Variants in CACNG3 observed in about 807,000 individuals in gnomAD.
CACNG3 encodes the protein voltage-dependent calcium channel gamma-3 subunit.
A neutral mutation model predicts 28.5 loss-of-function variants in CACNG3; 3 were observed. The observed-to-expected ratio is 0.11, with a 90% CI of 0.05 to 0.27. CACNG3 has a LOEUF of 0.27. Ranked by LOEUF, CACNG3 falls within the 10% of genes least tolerant of loss-of-function variation. The pLI is 1.00. For missense variants in CACNG3, 236 were observed against 414.4 expected (o/e 0.57, Z 3.74); for synonymous variants, 174 against 162.2 (o/e 1.07, Z -0.55).
At chr16:24,344,066 C>T (rs567982302) in intron 1 of CACNG3, among the ~76,000 whole-genome samples, 1 of 151,952 alleles carries the variant, frequency 6.6e-6, no homozygotes, top group South Asian at 2.1e-4. Flanking sequence ...GGCGAGATTC[C>T]GTCTCAAAAA....
chr16:24,258,814 T>G (rs1898502031), intron 1 of CACNG3, among the ~76,000 whole-genome samples: 1 of 152,210 alleles, frequency 6.6e-6, no homozygotes, highest in African/African-American at 2.4e-5. Flanking sequence ...CATTTCCAAT[T>G]CTTCTGCCTC....
In CACNG3 at chr16:24,361,443, T is replaced by C; in HGVS notation, c.528T>C (p.Gly176=). 1 of 1,614,194 alleles carries C rather than the reference T, an allele frequency of 6.2e-7. No individual in the cohort carries two copies. Among genetic ancestry groups the C allele is most frequent in the Non-Finnish European group, 8.5e-7 (1 of 1,180,028 alleles). The change falls in exon 4 of 4, where the codon GGT becomes GGC. Residue 176 remains glycine (G), a synonymous_variant. Transcript: ENST00000005284. The surrounding 1 kb of genome is among the most constrained non-coding windows in gnomAD (Gnocchi z 6.8). The part of the protein sequence containing the change: ...QRDSKKSYSY[G]WSFYFGAFSF... ...ACTCCAAAAAAAGTTACTCCTATGG[T>C]TGGTCCTTTTATTTCGGAGCCTTCT...
At chr16:24,292,827 T>C (rs186582012) in intron 1 of CACNG3, among the ~76,000 whole-genome samples, 1 of 152,176 alleles carries the variant, frequency 6.6e-6, no homozygotes, top group Non-Finnish European at 1.5e-5. Flanking sequence ...CAAAAAATTA[T>C]TCTGAAAAAT....
intron 1 of CACNG3, among the ~76,000 whole-genome samples, chr16:24,307,795 C>T (rs574152314): frequency 7.2e-5 from 11 of 152,262 alleles, no homozygotes; most frequent in South Asian, 2.1e-4. Context: ...AGAATGGTGG[C>T]GTGAAACATG....
rs79305809 is a variant in CACNG3 at position 24,353,370 on chromosome 16, C to A, written c.296-1463C>A. Reference sequence around the variant, plus strand: ...GAGTGTAAGCCCCTTGATGACAGGACCCCTGGCTCCTTGGTAAACCAATGA... The same window carrying A: ...GAGTGTAAGCCCCTTGATGACAGGAACCCTGGCTCCTTGGTAAACCAATGA... On this transcript the variant is annotated intron_variant, in intron 2 of 3. Transcript: ENST00000005284. 4.9e-4 allele frequency among the ~76,000 whole-genome samples: 75 copies of A among 152,310 alleles called. 1 individual carries two copies. In the East Asian group the frequency reaches 0.011, roughly 22 times the overall value.
intron 1 of CACNG3, among the ~76,000 whole-genome samples, chr16:24,259,236 A>G (rs1898508357): frequency 6.6e-6 from 1 of 152,242 alleles, no homozygotes; most frequent in African/African-American, 2.4e-5. Flanking sequence ...ATCACAATAA[A>G]ATATTAGCTA....
chr16:24,263,500 C>T (rs985269331), intron 1 of CACNG3, among the ~76,000 whole-genome samples: 1 of 152,220 alleles, frequency 6.6e-6, no homozygotes, highest in African/African-American at 2.4e-5. Context: ...TCTCCCATCT[C>T]ATAACCCTGC....
At chr16:24,344,155 G>C (rs1027599523) in intron 1 of CACNG3, among the ~76,000 whole-genome samples, 3 of 152,204 alleles carry the variant, frequency 2.0e-5, no homozygotes, top group Non-Finnish European at 4.4e-5. Flanking sequence ...AATGTGGCCA[G>C]GCGCAGTGGC....
intron 1 of CACNG3, among the ~76,000 whole-genome samples, chr16:24,285,632 A>G (rs1454127522): frequency 2.0e-5 from 3 of 152,182 alleles, no homozygotes; most frequent in Admixed American, 2.0e-4. Flanking sequence ...CCTGGGCAAC[A>G]TGGTGAGACC....
intron 2 of CACNG3, among the ~76,000 whole-genome samples, chr16:24,351,831 C>CTTTTT (rs869158970): frequency 2.4e-5 from 2 of 85,062 alleles, no homozygotes; most frequent in African/African-American, 9.7e-5. Context: ...CTCTCTCTCT[C>CTTTTT]TTTTTTTTTT....
intron 1 of CACNG3, among the ~76,000 whole-genome samples, chr16:24,340,385 G>A (rs80036794): frequency 0.15 from 22,453 of 152,084 alleles, 1,910 homozygotes; most frequent in Non-Finnish European, 0.18. Context: ...GCAACAGAGC[G>A]AGACCCCGTC....
chr16:24,301,012 C>T (rs1376910897), intron 1 of CACNG3, among the ~76,000 whole-genome samples: 2 of 145,540 alleles, frequency 1.4e-5, no homozygotes, highest in South Asian at 2.2e-4. Flanking sequence ...CACTGCACTC[C>T]AGCCTGGGTG....
chr16:24,355,091 G>T, intron 3 of CACNG3, 118 bp downstream of exon 3: 1 of 999,218 alleles, frequency 1.0e-6, no homozygotes, highest in South Asian at 1.6e-5. Context: ...AAATGTTCCA[G>T]TTGTGCTAAG....
At chr16:24,319,129 C>A (rs557918886) in intron 1 of CACNG3, among the ~76,000 whole-genome samples, 4 of 152,044 alleles carry the variant, frequency 2.6e-5, no homozygotes, top group African/African-American at 9.7e-5. Flanking sequence ...AAAAAAGAAA[C>A]CGGGTTGATT....
chr16:24,276,123 C>T (rs530224419), intron 1 of CACNG3, among the ~76,000 whole-genome samples: 15 of 152,320 alleles, frequency 9.8e-5, no homozygotes, highest in African/African-American at 3.6e-4. Flanking sequence ...CAGTGGGCAA[C>T]AGATCAAATG....
At chr16:24,323,033 C>T (rs1567218983) in intron 1 of CACNG3, among the ~76,000 whole-genome samples, 1 of 151,924 alleles carries the variant, frequency 6.6e-6, no homozygotes, top group Admixed American at 6.6e-5. Context: ...TGAGACCAGC[C>T]TGGGTAACAT....
chr16:24,321,582 G>C (rs1040422756), intron 1 of CACNG3, among the ~76,000 whole-genome samples: 2 of 152,216 alleles, frequency 1.3e-5, no homozygotes, highest in Non-Finnish European at 2.9e-5. Flanking sequence ...AAGCACAAGA[G>C]TAGTTATGCT....
intron 1 of CACNG3, among the ~76,000 whole-genome samples, chr16:24,320,888 C>T (rs1182187630): frequency 6.6e-6 from 1 of 151,734 alleles, no homozygotes; most frequent in African/African-American, 2.4e-5. Context: ...CAACACTATG[C>T]CTAATAATTT....
intron 1 of CACNG3, among the ~76,000 whole-genome samples, chr16:24,338,281 C>T (rs1052871431): frequency 1.3e-5 from 2 of 152,074 alleles, no homozygotes; most frequent in African/African-American, 4.8e-5. Flanking sequence ...CCTCCACTTG[C>T]CCCCACCCAA....
Sources: gnomAD v4.1 joint callset for allele counts (sites outside exome capture counted in the v4.1 genomes callset) on GRCh38, gnomAD v4.1.1 for gene constraint, Gnocchi (gnomAD v3.1) non-coding constraint, MANE v1.5 for transcripts, NCBI Gene and HGNC (gene_info 2026-07-23, HGNC 2026-07-21) for gene names.